ZMAT4: variants seen among roughly 807,000 people sequenced by gnomAD.
The protein encoded by ZMAT4 is zinc finger matrin-type 4, also known as zinc finger matrin-type protein 4.
ZMAT4 carries 17 observed loss-of-function variants against 28.7 expected under a neutral mutation model. That is an observed-to-expected ratio of 0.59 (90% CI 0.41 to 0.89). The LOEUF (loss-of-function observed/expected upper bound fraction) is 0.89. Ranked by LOEUF, ZMAT4 falls within the 40% of genes least tolerant of loss-of-function variation. The pLI is 0.00. For synonymous variants in ZMAT4, 117 were observed against 109.2 expected (o/e 1.07, Z -0.44); for missense variants, 240 against 283.8 (o/e 0.85, Z 1.11).
At position 40,786,024 on chromosome 8, in the gene ZMAT4, T is replaced by G. The variant is rs10107836; in HGVS notation, c.103-18294A>C. Among the ~76,000 whole-genome samples, 690 of 152,306 alleles carry G rather than the reference T, an allele frequency of 4.5e-3. 2 individuals are homozygous for G. The highest frequency in any genetic ancestry group is 0.016 in the African/African-American group (659 of 41,568). On this transcript the variant is annotated intron_variant, in intron 2 of 6. Transcript: ENST00000297737. Reference sequence around the variant, plus strand: ...TCCTTGACAGCCCACTGCAGTTGTTTCTGACTTCCATGACAAAACACAGCA... The same window carrying G: ...TCCTTGACAGCCCACTGCAGTTGTTGCTGACTTCCATGACAAAACACAGCA...
chr8:40,854,157 A>G (rs1221035243), intron 1 of ZMAT4, among the ~76,000 whole-genome samples: 1 of 152,210 alleles, frequency 6.6e-6, no homozygotes, highest in Non-Finnish European at 1.5e-5. Flanking sequence ...CGCCACCTCC[A>G]ATACCAGAGA....
chr8:40,781,789 A>AAAAAAAAAAAAAAAAAAAAC (rs1563480296), intron 2 of ZMAT4, among the ~76,000 whole-genome samples: 2 of 147,848 alleles, frequency 1.4e-5, no homozygotes, highest in African/African-American at 5.1e-5. Flanking sequence ...AAAAAAAAAA[A>AAAAAAAAAAAAAAAAAAAAC]AAGAAAAGAA....
intron 5 of ZMAT4, among the ~76,000 whole-genome samples, chr8:40,638,507 G>A (rs10112291): frequency 0.011 from 1,623 of 152,272 alleles, 25 homozygotes; most frequent in African/African-American, 0.037. Flanking sequence ...CTACAATAAA[G>A]CACCCATTTA....
At chr8:40,796,723 T>C (rs192762485) in intron 2 of ZMAT4, among the ~76,000 whole-genome samples, 1 of 152,300 alleles carries the variant, frequency 6.6e-6, no homozygotes, top group Admixed American at 6.5e-5. Flanking sequence ...TCTGAAACAT[T>C]TTTCACAGTA....
chr8:40,801,858 A>G (rs1026226245), intron 2 of ZMAT4, among the ~76,000 whole-genome samples: 4 of 152,158 alleles, frequency 2.6e-5, no homozygotes, highest in Non-Finnish European at 4.4e-5. Flanking sequence ...AAATCCAACA[A>G]TGTACAAAAT....
At chr8:40,804,629 C>A (rs186348530) in intron 2 of ZMAT4, among the ~76,000 whole-genome samples, 1 of 152,112 alleles carries the variant, frequency 6.6e-6, no homozygotes, top group East Asian at 1.9e-4. Context: ...TCACCTGAGT[C>A]GGGAGTTTGA....
intron 3 of ZMAT4, among the ~76,000 whole-genome samples, chr8:40,703,907 A>G (rs936087406): frequency 1.3e-5 from 2 of 152,158 alleles, no homozygotes; most frequent in South Asian, 4.1e-4. Context: ...AGCGAATCAT[A>G]ATGAGGAGTA....
intron 5 of ZMAT4, among the ~76,000 whole-genome samples, chr8:40,618,498 G>A (rs1319140210): frequency 2.6e-5 from 4 of 152,104 alleles, no homozygotes; most frequent in Admixed American, 2.6e-4. Flanking sequence ...TCTTTTAAGA[G>A]GACGCAGTTT....
chr8:40,788,886 T>C (rs1167549051), intron 2 of ZMAT4, among the ~76,000 whole-genome samples: 1 of 150,994 alleles, frequency 6.6e-6, no homozygotes, highest in African/African-American at 2.4e-5. Flanking sequence ...GACCAAAGGA[T>C]ATTTGTCCCA....
In ZMAT4 at chr8:40,828,618, T is replaced by C. The variant is rs754677374; in HGVS notation, c.-4-2938A>G. Among the ~76,000 whole-genome samples the C allele has an allele frequency of 3.3e-5, 5 of 152,180 alleles. No individual in the cohort carries two copies. In the South Asian group the frequency reaches 1.0e-3, roughly 32 times the overall value. The stretch of plus-strand genomic sequence containing the variant: ...TTTTCCACTGTTTTATATAAGAATA[T>C]TGATTTGAACAAGTCCATATGCAAT... On this transcript the variant is annotated intron_variant, in intron 1 of 6. Coordinates refer to ENST00000297737, the MANE Select transcript of ZMAT4 (RefSeq NM_024645.3).
chr8:40,580,770 T>C (rs7005939), intron 6 of ZMAT4, among the ~76,000 whole-genome samples: 22,631 of 152,110 alleles, frequency 0.15, 2,659 homozygotes, highest in African/African-American at 0.33. Context: ...CCTGGGGGAT[T>C]TGTTATGTTT....
chr8:40,565,373 C>A (rs1324438487), intron 6 of ZMAT4, among the ~76,000 whole-genome samples: 14 of 129,758 alleles, frequency 1.1e-4, no homozygotes, highest in Non-Finnish European at 1.9e-4. Flanking sequence ...TTTGGTGCCA[C>A]CATCTTTTTT....
chr8:40,596,095 A>AAAAAC (rs914909202), intron 5 of ZMAT4, among the ~76,000 whole-genome samples: 2 of 152,136 alleles, frequency 1.3e-5, no homozygotes, highest in African/African-American at 4.8e-5. Flanking sequence ...TCTGTCTCAA[A>AAAAAC]AAAACAAAAC....
rs10103743 is a variant in ZMAT4 at position 40,639,581 on chromosome 8, A to G, written c.577+35123T>C. ...ATTTTTCCAAAATAACTTTTCTACA[A>G]AAAATAAAGGGGGCAGAAGGGAAAG... On this transcript the variant is annotated intron_variant, in intron 5 of 6. Coordinates refer to ENST00000297737, the MANE Select transcript of ZMAT4 (RefSeq NM_024645.3). Among the ~76,000 whole-genome samples the G allele has an allele frequency of 9.9e-3, 1,503 of 152,034 alleles. 22 individuals carry two copies. The highest frequency in any genetic ancestry group is 0.034 in the African/African-American group (1,426 of 41,466).
chr8:40,758,654 AAAG>A (rs994745387), intron 3 of ZMAT4, among the ~76,000 whole-genome samples: 5 of 152,216 alleles, frequency 3.3e-5, no homozygotes, highest in Admixed American at 6.5e-5. Context: ...TACTAAATAG[AAAG>A]AAGAAGAAAA....
intron 1 of ZMAT4, among the ~76,000 whole-genome samples, chr8:40,862,005 A>C (rs2150645291): frequency 6.6e-6 from 1 of 152,350 alleles, no homozygotes; most frequent in East Asian, 1.9e-4. Flanking sequence ...TGTGGAAGAC[A>C]GTCTGGCAAT....
At chr8:40,857,860 A>G (rs1817352271) in intron 1 of ZMAT4, among the ~76,000 whole-genome samples, 3 of 152,362 alleles carry the variant, frequency 2.0e-5, no homozygotes, top group African/African-American at 7.2e-5. Context: ...AACTACAAAT[A>G]TAAGGGACAA....
chr8:40,665,518 A>G (rs1037869452), intron 5 of ZMAT4, among the ~76,000 whole-genome samples: 1 of 152,164 alleles, frequency 6.6e-6, no homozygotes, highest in Non-Finnish European at 1.5e-5. Flanking sequence ...AGTTCTTTGC[A>G]TGGCTATGTT....
chr8:40,753,231 T>C (rs1236588998), intron 3 of ZMAT4, among the ~76,000 whole-genome samples: 1 of 152,152 alleles, frequency 6.6e-6, no homozygotes, highest in East Asian at 1.9e-4. Flanking sequence ...GAACATGAAC[T>C]CATTCTTTTT....
Sources: allele counts gnomAD v4.1 joint callset (sites outside exome capture counted in the v4.1 genomes callset), GRCh38; gene constraint gnomAD v4.1.1; transcripts MANE v1.5; gene names NCBI Gene and HGNC (gene_info 2026-07-23, HGNC 2026-07-21).